Variants in PRKAR1A observed in about 807,000 individuals in gnomAD.
PRKAR1A encodes cAMP-dependent protein kinase type I-alpha regulatory subunit.
PRKAR1A carries 3 observed loss-of-function variants against 52.0 expected under a neutral mutation model. The observed-to-expected ratio is 0.06, with a 90% confidence interval of 0.03 to 0.15. The LOEUF is 0.15. Ranked by LOEUF, PRKAR1A falls within the 10% of genes least tolerant of loss-of-function variation. PRKAR1A has a pLI of 1.00. For missense variants in PRKAR1A, 240 were observed against 477.4 expected, an observed-to-expected ratio of 0.50 and a Z score of 4.63; for synonymous variants, 188 against 168.4, an observed-to-expected ratio of 1.12 and a Z score of -0.90.
intron 11 of PRKAR1A, chr17:68,540,061 A>C: frequency 8.6e-6 from 9 of 1,051,036 alleles, no homozygotes; most frequent in Non-Finnish European, 1.3e-5. Context: ...GCCTGTCATC[A>C]CTTGAGAGAC....
At chr17:68,443,169 G>A in the PRKAR1A span, among the ~76,000 whole-genome samples, 2 of 152,100 alleles carry the variant, frequency 1.3e-5, no homozygotes, top group African/African-American at 2.4e-5. Flanking sequence ...GGAGTGCAGT[G>A]GTGCGATCTC....
chr17:68,530,621 C>CTA lies in PRKAR1A; in HGVS notation c.*173_*174dup, dbSNP rs896220075. The CTA allele has an allele frequency of 1.3e-6, 2 of 1,500,966 alleles. No homozygotes were observed. The highest frequency in any genetic ancestry group is 2.8e-5 in the African/African-American group (2 of 72,520). The allele number at this position is 1,500,966 out of a possible 1,614,324, so 93.0% of individuals were successfully genotyped here. A position where few individuals can be genotyped will look rare whatever the true frequency, so the allele number is the denominator to read the frequency against. On this transcript the variant is annotated 3_prime_UTR_variant, in exon 11 of 11. Coordinates refer to ENST00000589228, the MANE Select transcript of PRKAR1A (RefSeq NM_002734.5). ...CACCATTTTCAATTTGGAGCATTAA[C>CTA]TAAATGCTCATACACAGTTAAATAA...
chr17:68,485,404 G>C, the PRKAR1A span, among the ~76,000 whole-genome samples: 1 of 152,126 alleles, frequency 6.6e-6, no homozygotes, highest in Non-Finnish European at 1.5e-5. Context: ...AAAGAGCAAA[G>C]TAAAAAAGGG....
At chr17:68,536,480 A>G (rs1463089934), downstream of PRKAR1A, 1 of 454,104 alleles carries the variant, frequency 2.2e-6, no homozygotes, top group Non-Finnish European at 4.4e-6. Context: ...ACTTTCTTCT[A>G]AGGGAGGCTT....
At chr17:68,539,393 G>A (rs570497434) in intron 11 of PRKAR1A, 13 of 1,613,990 alleles carry the variant, frequency 8.1e-6, no homozygotes, top group Middle Eastern at 1.6e-4. Context: ...AGTGTCGTCC[G>A]AACCTAGGAG....
downstream of PRKAR1A, chr17:68,536,411 G>T (rs1568713228): frequency 2.2e-6 from 1 of 454,102 alleles, no homozygotes; most frequent in East Asian, 6.9e-5. Flanking sequence ...CCTATTAAAA[G>T]GAGTTTCAGA....
the PRKAR1A span, among the ~76,000 whole-genome samples, chr17:68,479,404 G>A: frequency 6.6e-6 from 1 of 151,962 alleles, no homozygotes; most frequent in African/African-American, 2.4e-5. Flanking sequence ...TATTTTTTGG[G>A]TTTGGATTTA....
chr17:68,437,005 A>AAAAATATAT, the PRKAR1A span, among the ~76,000 whole-genome samples: 207 of 107,248 alleles, frequency 1.9e-3, no homozygotes, highest in African/African-American at 3.3e-3. Flanking sequence ...AAAAAAAAAA[A>AAAAATATAT]ATATATATAT....
At chr17:68,435,649 C>G in the PRKAR1A span, 3 of 1,614,112 alleles carry the variant, frequency 1.9e-6, no homozygotes, top group African/African-American at 1.3e-5. Flanking sequence ...AGTTTGGAGC[C>G]TGAGGCATTG....
the PRKAR1A span, among the ~76,000 whole-genome samples, chr17:68,466,409 CTTT>C: frequency 5.1e-5 from 6 of 118,348 alleles, no homozygotes; most frequent in Admixed American, 8.5e-5. Context: ...TTTTCTCTCT[CTTT>C]TTTTTTTTTT....
At chr17:68,474,306 A>G in the PRKAR1A span, among the ~76,000 whole-genome samples, 1 of 152,194 alleles carries the variant, frequency 6.6e-6, no homozygotes, top group Non-Finnish European at 1.5e-5. Context: ...GTCAGCTGTC[A>G]TTTCTGCTGT....
chr17:68,417,748 T>C, the PRKAR1A span, among the ~76,000 whole-genome samples: 1 of 118,200 alleles, frequency 8.5e-6, no homozygotes, highest in South Asian at 2.8e-4. Flanking sequence ...TTTTTTTTTT[T>C]TTTTTTTTTT....
chr17:68,551,237 A>C, exon 12 of PRKAR1A: 2 of 824,718 alleles, frequency 2.4e-6, no homozygotes, highest in East Asian at 6.7e-5. Flanking sequence ...ATATTATTTC[A>C]CTCATCTCTA....
At chr17:68,528,627 A>G in intron 8 of PRKAR1A, 1 of 545,044 alleles carries the variant, frequency 1.8e-6, no homozygotes, top group Non-Finnish European at 3.3e-6. Context: ...GCCATTTGGT[A>G]CAGTTGGTAT....
At chr17:68,437,947 T>TAAAAAAAAAAAAAAAAAAAAAA in the PRKAR1A span, among the ~76,000 whole-genome samples, 1 of 58,786 alleles carries the variant, frequency 1.7e-5, no homozygotes. Flanking sequence ...GACATCTCTC[T>TAAAAAAAAAAAAAAAAAAAAAA]TAAAAAAAAA....
chr17:68,436,075 C>T, the PRKAR1A span, among the ~76,000 whole-genome samples: 2 of 152,236 alleles, frequency 1.3e-5, no homozygotes, highest in African/African-American at 4.8e-5. Flanking sequence ...ATATGAAACA[C>T]CTGCACACTG....
chr17:68,538,130 A>G (rs540016648), downstream of PRKAR1A, among the ~76,000 whole-genome samples: 1 of 152,302 alleles, frequency 6.6e-6, no homozygotes, highest in South Asian at 2.1e-4. Context: ...CTGTCTCAAA[A>G]TCCCCCAGTA....
At chr17:68,522,060 G>C (rs1041644731) in intron 2 of PRKAR1A, among the ~76,000 whole-genome samples, 1 of 152,212 alleles carries the variant, frequency 6.6e-6, no homozygotes, top group Non-Finnish European at 1.5e-5. Context: ...TGATTACAAA[G>C]AGTGATCCTA....
the PRKAR1A span, among the ~76,000 whole-genome samples, chr17:68,467,083 T>C: frequency 6.6e-6 from 1 of 152,372 alleles, no homozygotes; most frequent in East Asian, 1.9e-4. Context: ...CGTTGTAGCA[T>C]GTGTCGGTAT....
Sources: allele counts gnomAD v4.1 joint callset (sites outside exome capture counted in the v4.1 genomes callset), GRCh38; gene constraint gnomAD v4.1.1; transcripts MANE v1.5; gene names NCBI Gene and HGNC (gene_info 2026-07-23, HGNC 2026-07-21).